The following LUZP2 variants were observed in gnomAD, a reference collection of about 807,000 sequenced individuals.
LUZP2 encodes leucine zipper protein 2.
Under a neutral mutation model 51.6 loss-of-function variants are expected in LUZP2, and 52 were observed. That is an observed-to-expected ratio of 1.01 (90% CI 0.81 to 1.27). The LOEUF (loss-of-function observed/expected upper bound fraction) is 1.27. Among genes scored for constraint, LUZP2 ranks in the 50% most tolerant of loss-of-function variants. The pLI, the probability that LUZP2 is intolerant of heterozygous loss-of-function variation, is 0.00. For missense variants in LUZP2, 436 were observed against 395.4 expected (o/e 1.10, Z -0.87); for synonymous variants, 154 against 137.3 (o/e 1.12, Z -0.85).
At chr11:24,937,326 T>C (rs1854613100) in intron 7 of LUZP2, among the ~76,000 whole-genome samples, 1 of 152,200 alleles carries the variant, frequency 6.6e-6, no homozygotes, top group Admixed American at 6.5e-5. Flanking sequence ...TATTAAGTCT[T>C]TCACTTACCT....
At chr11:24,974,717 T>C (rs1855836726) in intron 7 of LUZP2, among the ~76,000 whole-genome samples, 2 of 152,150 alleles carry the variant, frequency 1.3e-5, no homozygotes, top group African/African-American at 2.4e-5. Flanking sequence ...TTTTACCAGA[T>C]ATCTAAACGA....
chr11:24,512,813 G>A (rs1373095169), intron 1 of LUZP2, among the ~76,000 whole-genome samples: 2 of 150,362 alleles, frequency 1.3e-5, no homozygotes, highest in Admixed American at 6.6e-5. Context: ...GCAGTGGCAC[G>A]ATCTCAGCTC....
At chr11:24,977,791 ATG>A (rs1238512628) in intron 8 of LUZP2, among the ~76,000 whole-genome samples, 1 of 151,630 alleles carries the variant, frequency 6.6e-6, no homozygotes, top group Non-Finnish European at 1.5e-5. Context: ...ACAAGTATAT[ATG>A]TATTTTATTA....
At chr11:24,967,060 G>A (rs1000638820) in intron 7 of LUZP2, among the ~76,000 whole-genome samples, 2 of 151,548 alleles carry the variant, frequency 1.3e-5, no homozygotes, top group African/African-American at 4.8e-5. Flanking sequence ...TCCAGATTCT[G>A]TCCTGATCCA....
intron 5 of LUZP2, among the ~76,000 whole-genome samples, chr11:24,816,008 A>ATTTT (rs2134146769): frequency 1.4e-3 from 1 of 696 alleles, no homozygotes; most frequent in African/African-American, 2.5e-3. Context: ...TTTTTTTTTA[A>ATTTT]AAAAAAAAAA....
At chr11:24,677,967 G>T (rs915553983) in intron 1 of LUZP2, among the ~76,000 whole-genome samples, 5 of 151,550 alleles carry the variant, frequency 3.3e-5, no homozygotes, top group African/African-American at 1.2e-4. Context: ...AACCTGGGAG[G>T]TGGAGCTTGC....
chr11:24,667,785 T>C (rs917714426), intron 1 of LUZP2, among the ~76,000 whole-genome samples: 1 of 152,194 alleles, frequency 6.6e-6, no homozygotes, highest in African/African-American at 2.4e-5. Context: ...CAGCAAGGGC[T>C]TGGAGAATGC....
At chr11:24,971,950 G>A (rs1590790395) in intron 7 of LUZP2, among the ~76,000 whole-genome samples, 1 of 151,840 alleles carries the variant, frequency 6.6e-6, no homozygotes. Flanking sequence ...GACCAGCATG[G>A]CCACCATGGC....
chr11:24,825,556 A>G (rs926990826), intron 5 of LUZP2, among the ~76,000 whole-genome samples: 18 of 152,182 alleles, frequency 1.2e-4, no homozygotes, highest in African/African-American at 4.3e-4. Context: ...ATTAGTCAAA[A>G]CTATTGCAAA....
chr11:24,852,378 A>G (rs898071021), intron 5 of LUZP2, among the ~76,000 whole-genome samples: 1 of 152,192 alleles, frequency 6.6e-6, no homozygotes, highest in African/African-American at 2.4e-5. Flanking sequence ...GTAGTCATTC[A>G]GGAGCAGGTT....
At chr11:24,953,321 G>C (rs887204862) in intron 7 of LUZP2, among the ~76,000 whole-genome samples, 6 of 151,788 alleles carry the variant, frequency 4.0e-5, no homozygotes, top group African/African-American at 1.5e-4. Context: ...AGCCCTAGGG[G>C]ACCATGATAT....
At chr11:25,040,343 A>ATTTTTTGTTTTTTTTTTTTT (rs1858012263) in intron 9 of LUZP2, among the ~76,000 whole-genome samples, 1 of 98,826 alleles carries the variant, frequency 1.0e-5, no homozygotes, top group Non-Finnish European at 1.8e-5. Context: ...TTTCTTTCCG[A>ATTTTTTGTTTTTTTTTTTTT]TTTTTTTTTT....
intron 4 of LUZP2, among the ~76,000 whole-genome samples, chr11:24,748,868 G>A (rs72884462): frequency 0.043 from 6,521 of 152,240 alleles, 233 homozygotes; most frequent in Non-Finnish European, 0.059. Flanking sequence ...GTGATTTTGC[G>A]TGAGGAAAAT....
chr11:24,816,006 TA>T (rs137926397), intron 5 of LUZP2, among the ~76,000 whole-genome samples: 4,278 of 139,160 alleles, frequency 0.031, 68 homozygotes, highest in African/African-American at 0.037. Context: ...CTTTTTTTTT[TA>T]AAAAAAAAAA....
chr11:24,924,073 C>G (rs970441740), intron 7 of LUZP2, among the ~76,000 whole-genome samples: 18 of 151,664 alleles, frequency 1.2e-4, no homozygotes, highest in Non-Finnish European at 1.9e-4. Flanking sequence ...GCCCCCACTC[C>G]CCGGCTTTTT....
chr11:24,960,641 T>C (rs568201155), intron 7 of LUZP2, among the ~76,000 whole-genome samples: 1 of 152,256 alleles, frequency 6.6e-6, no homozygotes, highest in African/African-American at 2.4e-5. Context: ...CTCTCTTTTT[T>C]TCTTTATTAG....
chr11:25,050,387 C>A (rs535206318), intron 10 of LUZP2, among the ~76,000 whole-genome samples: 1 of 144,898 alleles, frequency 6.9e-6, no homozygotes, highest in Non-Finnish European at 1.5e-5. Flanking sequence ...CTGCAAGCTC[C>A]GCCGCCTCCC....
At chr11:24,767,810 G>A (rs939134052) in intron 5 of LUZP2, among the ~76,000 whole-genome samples, 1 of 152,054 alleles carries the variant, frequency 6.6e-6, no homozygotes, top group Admixed American at 6.6e-5. Context: ...TTTTGCACCA[G>A]AAAATAAATC....
chr11:24,935,178 T>C (rs1854554868), intron 7 of LUZP2, among the ~76,000 whole-genome samples: 1 of 152,170 alleles, frequency 6.6e-6, no homozygotes, highest in Non-Finnish European at 1.5e-5. Flanking sequence ...TCACGTTGTA[T>C]ATGTTGTGTA....
Sources: gnomAD v4.1 joint callset for allele counts (sites outside exome capture counted in the v4.1 genomes callset) on GRCh38, gnomAD v4.1.1 for gene constraint, MANE v1.5 for transcripts, NCBI Gene and HGNC (gene_info 2026-07-23, HGNC 2026-07-21) for gene names.